The following RAPGEF4 variants were observed in gnomAD, a reference collection of about 807,000 sequenced individuals.
RAPGEF4 encodes the protein RAP guanine-nucleotide-exchange factor (GEF) 4.
A neutral mutation model predicts 147.9 loss-of-function variants in RAPGEF4; 66 were observed. The ratio of observed to expected loss-of-function variants is 0.45; its 90% confidence interval spans 0.37 to 0.55. The LOEUF is 0.55. Ranked by LOEUF, RAPGEF4 falls within the 20% of genes least tolerant of loss-of-function variation. The pLI, the probability that RAPGEF4 is intolerant of heterozygous loss-of-function variation, is 0.00. For missense variants in RAPGEF4, 1,071 were observed against 1,257.3 expected, an observed-to-expected ratio of 0.85 and a Z score of 2.24; for synonymous variants, 419 against 442.7, an observed-to-expected ratio of 0.95 and a Z score of 0.67.
intron 4 of RAPGEF4, among the ~76,000 whole-genome samples, chr2:172,873,171 C>T (rs1379001631): frequency 1.3e-5 from 2 of 152,098 alleles, no homozygotes; most frequent in Non-Finnish European, 2.9e-5. Context: ...TCAATACAGC[C>T]AGACAAAGCA....
At chr2:173,025,338 A>G (rs1210288632) in intron 23 of RAPGEF4, among the ~76,000 whole-genome samples, 1 of 152,264 alleles carries the variant, frequency 6.6e-6, no homozygotes, top group African/African-American at 2.4e-5. Context: ...AGTTTGTAGA[A>G]TACAGTGATG....
At chr2:172,764,028 A>G (rs1168589804) in intron 1 of RAPGEF4, among the ~76,000 whole-genome samples, 1 of 152,102 alleles carries the variant, frequency 6.6e-6, no homozygotes, top group Non-Finnish European at 1.5e-5. Context: ...AGATGGGAGG[A>G]TCACTCGAAC....
intron 1 of RAPGEF4, among the ~76,000 whole-genome samples, chr2:172,751,957 A>G (rs1274285083): frequency 2.9e-5 from 1 of 35,010 alleles, no homozygotes; most frequent in East Asian, 1.5e-3. Context: ...AAATGTTATT[A>G]TGACTTAAAG....
intron 4 of RAPGEF4, among the ~76,000 whole-genome samples, chr2:172,896,436 A>T (rs193096225): frequency 1.3e-5 from 2 of 152,196 alleles, no homozygotes; most frequent in African/African-American, 2.4e-5. Context: ...ATTCCTTTGT[A>T]TACAGAGTTT....
intron 4 of RAPGEF4, among the ~76,000 whole-genome samples, chr2:172,850,230 TC>T (rs1298960040): frequency 6.6e-6 from 1 of 152,184 alleles, no homozygotes; most frequent in African/African-American, 2.4e-5. Context: ...AAGGAAAAAT[TC>T]TTTTCATCTT....
rs150457001 is a variant in RAPGEF4 at position 172,889,752 on chromosome 2, G to T, written c.445-28050G>T. The T allele has an allele frequency of 3.0e-4, 255 of 838,696 alleles. 2 individuals are homozygous for T. In the African/African-American group the frequency reaches 4.5e-3, roughly 15 times the overall value. 52.0% of individuals were successfully genotyped at this position (838,696 alleles called of 1,614,324 possible). A position where few individuals can be genotyped will look rare whatever the true frequency, so the allele number is the denominator to read the frequency against. On this transcript the variant is annotated intron_variant, in intron 4 of 30. Coordinates refer to ENST00000397081, the MANE Select transcript of RAPGEF4 (RefSeq NM_007023.4). ...ATTTGTTACTTTCAAATGTCAATCA[G>T]CAAGGAAAATTTTAAAAATATAGAT...
At chr2:172,909,168 C>T (rs1267145010) in intron 4 of RAPGEF4, among the ~76,000 whole-genome samples, 1 of 152,132 alleles carries the variant, frequency 6.6e-6, no homozygotes, top group African/African-American at 2.4e-5. Flanking sequence ...ACCCACCTCT[C>T]GGAAGGGCCT....
chr2:172,764,492 A>G (rs1169273656), intron 1 of RAPGEF4, among the ~76,000 whole-genome samples: 1 of 152,198 alleles, frequency 6.6e-6, no homozygotes, highest in Non-Finnish European at 1.5e-5. Context: ...ATGGAAATGT[A>G]GTCGAAGGAG....
chr2:173,001,993 C>CAAAAAAAAGAAAAAAAAAAAAAAAA (rs1693971365), intron 17 of RAPGEF4, among the ~76,000 whole-genome samples: 1 of 79,312 alleles, frequency 1.3e-5, no homozygotes, highest in Non-Finnish European at 2.5e-5. Context: ...GTGATGCTGG[C>CAAAAAAAAGAAAAAAAAAAAAAAAA]AAAAAAAAAA....
At chr2:172,829,975 C>T (rs1690114953) in intron 4 of RAPGEF4, among the ~76,000 whole-genome samples, 1 of 151,536 alleles carries the variant, frequency 6.6e-6, no homozygotes, top group Admixed American at 6.6e-5. Context: ...ATATATATTC[C>T]ATATATAATA....
In RAPGEF4 at chr2:173,018,644, G is replaced by A. The variant is rs755050368; in HGVS notation, c.2009-12G>A. On this transcript the variant is annotated splice_polypyrimidine_tract_variant and intron_variant, in intron 21 of 30. Transcript: ENST00000397081. ...AAGAGTGATTTACTACCTTGTTACTGCCTTTGGATAGTTCTGTTTAAGGTC... is the reference window on the plus strand; with the variant it reads ...AAGAGTGATTTACTACCTTGTTACTACCTTTGGATAGTTCTGTTTAAGGTC... 4 of 1,607,664 alleles carry A rather than the reference G, an allele frequency of 2.5e-6. No individual in the cohort carries two copies. The East Asian group carries it at 8.9e-5, about 36-fold the overall frequency.
chr2:172,891,391 A>T (rs1028532932), intron 4 of RAPGEF4, among the ~76,000 whole-genome samples: 2 of 152,198 alleles, frequency 1.3e-5, no homozygotes, highest in Admixed American at 1.3e-4. Context: ...CTCTCAATGT[A>T]TATTTGTCTC....
chr2:173,032,382 G>A (rs952156880), intron 26 of RAPGEF4, among the ~76,000 whole-genome samples: 1 of 152,188 alleles, frequency 6.6e-6, no homozygotes, highest in Non-Finnish European at 1.5e-5. Context: ...GCATGGGGGG[G>A]TGGATAAATA....
rs192747413 is a variant in RAPGEF4 at position 172,805,030 on chromosome 2, T to A, written c.297+7417T>A. Among the ~76,000 whole-genome samples, 344 of 152,318 alleles carry A rather than the reference T, an allele frequency of 2.3e-3. 1 individual carries two copies. The highest frequency in any genetic ancestry group is 6.8e-3 in the Admixed American group (104 of 15,312). On this transcript the variant is annotated intron_variant, in intron 3 of 30. Coordinates refer to ENST00000397081, the MANE Select transcript of RAPGEF4 (RefSeq NM_007023.4). ...TGGGCCTTACCCCATGGGTCTTCTC[T>A]GGGCCCAGGAAGCATCAGATAGTGG... is the stretch of plus-strand genomic sequence containing the variant.
chr2:172,909,406 G>A (rs1222339779), intron 4 of RAPGEF4, among the ~76,000 whole-genome samples: 1 of 152,194 alleles, frequency 6.6e-6, no homozygotes, highest in African/African-American at 2.4e-5. Context: ...TAGGACTTGA[G>A]CCAAAGACAT....
chr2:172,977,265 T>C (rs1255793328), intron 10 of RAPGEF4, among the ~76,000 whole-genome samples: 1 of 152,194 alleles, frequency 6.6e-6, no homozygotes, highest in Non-Finnish European at 1.5e-5. Flanking sequence ...GGGGCTGATT[T>C]ACAGGATCTC....
At chr2:172,825,400 A>G (rs946538948) in intron 4 of RAPGEF4, among the ~76,000 whole-genome samples, 1 of 152,250 alleles carries the variant, frequency 6.6e-6, no homozygotes, top group African/African-American at 2.4e-5. Context: ...AATTTGAACA[A>G]TTCTAAGTTG....
At chr2:172,776,779 TG>T (rs1422752611) in intron 1 of RAPGEF4, among the ~76,000 whole-genome samples, 2 of 152,212 alleles carry the variant, frequency 1.3e-5, no homozygotes, top group African/African-American at 4.8e-5. Context: ...AATTTCCATT[TG>T]CTTTTTAAAA....
chr2:173,050,389 AG>A (rs3835829), intron 30 of RAPGEF4, among the ~76,000 whole-genome samples: 40,161 of 152,134 alleles, frequency 0.26, 5,727 homozygotes, highest in East Asian at 0.63. Flanking sequence ...TTCTTCTCAC[AG>A]GGGGCAGGGG....
Sources: gnomAD v4.1 joint callset for allele counts (sites outside exome capture counted in the v4.1 genomes callset) on GRCh38, gnomAD v4.1.1 for gene constraint, MANE v1.5 for transcripts, NCBI Gene and HGNC (gene_info 2026-07-23, HGNC 2026-07-21) for gene names.